Variants in CEP78 observed in about 807,000 individuals in gnomAD.
CEP78 encodes the protein centrosomal protein 78.
In CEP78, 76 loss-of-function variants were observed where a neutral mutation model predicts 81.2. The observed-to-expected ratio is 0.94, with a 90% CI of 0.78 to 1.13. The LOEUF (loss-of-function observed/expected upper bound fraction) is 1.13. CEP78 is among the 50% of genes most tolerant of loss of function. CEP78 has a pLI of 0.00. For synonymous variants in CEP78, 293 were observed against 301.4 expected (o/e 0.97, Z 0.29); for missense variants, 918 against 846.8 (o/e 1.08, Z -1.04).
At chr9:78,264,107 A>G (rs779267941) in intron 12 of CEP78, 43 bp from the exon 13 acceptor site, 2 of 1,325,032 alleles carry the variant, frequency 1.5e-6, no homozygotes, top group South Asian at 3.7e-5. Context: ...TTTGGTGATA[A>G]TGAGAGAAAA....
Position 78,236,317 on chromosome 9 carries a change from C to A in CEP78, c.-34C>A. On this transcript the variant is annotated 5_prime_UTR_variant, in exon 1 of 17. Coordinates refer to ENST00000643273, the MANE Select transcript of CEP78 (RefSeq NM_001330691.3). ...CTTGGGTGGGCGCGGGCGGCGTCTC[C>A]GCGGCGGGCATCCCCCGAGGCCGCC... The A allele has an allele frequency of 6.5e-7, 1 of 1,535,392 alleles. No homozygotes were observed. Among genetic ancestry groups the A allele is most frequent in the Non-Finnish European group, 8.7e-7 (1 of 1,145,484 alleles).
intron 9 of CEP78, 59 bp from the exon 10 acceptor site, chr9:78,253,173 G>GTGTTAATAACTGGTGTTATT: frequency 1.3e-6 from 1 of 762,432 alleles, no homozygotes; most frequent in Non-Finnish European, 2.3e-6. Flanking sequence ...TTATTACCTA[G>GTGTTAATAACTGGTGTTATT]TGTTAACTGG....
Position 78,278,077 on chromosome 9 carries a change from A to G in CEP78, c.*7226A>G, listed in dbSNP as rs1041488118. Reference sequence around the variant, plus strand: ...TGATAACACATATCAAGCTATTGACAGCGGTTTTGTCTGCTGAAGGAGGAA... The same window carrying G: ...TGATAACACATATCAAGCTATTGACGGCGGTTTTGTCTGCTGAAGGAGGAA... On this transcript the variant is annotated 3_prime_UTR_variant, in exon 17 of 17. Coordinates refer to ENST00000643273, the MANE Select transcript of CEP78 (RefSeq NM_001330691.3). 6.6e-6 allele frequency: 1 copy of G among 152,186 alleles called. No individual in the cohort carries two copies. Among genetic ancestry groups the G allele is most frequent in the African/African-American group, 2.4e-5 (1 of 41,448 alleles). 9.4% of individuals were successfully genotyped at this position (152,186 alleles called of 1,614,324 possible).
chr9:78,243,425 C>T (rs1826321635), intron 4 of CEP78, 37 bp from the exon 5 acceptor site: 1 of 1,565,236 alleles, frequency 6.4e-7, no homozygotes, highest in Admixed American at 1.7e-5. Flanking sequence ...ATCTCTTTAT[C>T]CAAGTGTATT....
chr9:78,253,802 C>G (rs908522640), intron 10 of CEP78: 11 of 152,300 alleles, frequency 7.2e-5, no homozygotes, highest in African/African-American at 2.7e-4. Flanking sequence ...TCAGATTTTC[C>G]TTTTCAGTTG....
intron 8 of CEP78, among the ~76,000 whole-genome samples, chr9:78,251,636 CTTATA>C (rs1346617470): frequency 6.6e-6 from 1 of 151,766 alleles, no homozygotes; most frequent in Non-Finnish European, 1.5e-5. Flanking sequence ...ATATATTCAA[CTTATA>C]TTTTAGTTAA....
chr9:78,242,452 C>T (rs892249312), intron 4 of CEP78, among the ~76,000 whole-genome samples: 1 of 152,196 alleles, frequency 6.6e-6, no homozygotes, highest in African/African-American at 2.4e-5. Context: ...CATTTAATAA[C>T]TTGTGACCAT....
Position 78,240,369 on chromosome 9 carries a change from G to A in CEP78, c.499+5G>A, listed in dbSNP as rs1057517693. The A allele has an allele frequency of 6.4e-7, 1 of 1,567,740 alleles. No homozygotes were observed. Among genetic ancestry groups the A allele is most frequent in the Non-Finnish European group, 8.7e-7 (1 of 1,153,092 alleles). On this transcript the variant is annotated splice_donor_5th_base_variant and intron_variant, in intron 3 of 16. Transcript: ENST00000643273. The stretch of plus-strand genomic sequence containing the variant: ...TTGGAGATGGAGGTTTAGAAAGTGA[G>A]TTTAAATCTCATTTAACTCTTGTCC...
chr9:78,274,797 T>G lies in CEP78; in HGVS notation c.*3946T>G, dbSNP rs1311923456. ...AAAATAAATTGCAAATTATTTAGAATTAATAAAAACTTCTCTAAAGCTGAG... is the reference window on the plus strand; with the variant it reads ...AAAATAAATTGCAAATTATTTAGAAGTAATAAAAACTTCTCTAAAGCTGAG... On this transcript the variant is annotated 3_prime_UTR_variant, in exon 17 of 17. Coordinates refer to ENST00000643273, the MANE Select transcript of CEP78 (RefSeq NM_001330691.3). 6.6e-6 allele frequency: 1 copy of G among 150,844 alleles called. No individual in the cohort carries two copies. Among genetic ancestry groups the G allele is most frequent in the Non-Finnish European group, 1.5e-5 (1 of 67,782 alleles). The allele number at this position is 150,844 out of a possible 1,614,324, so 9.3% of individuals were successfully genotyped here. A position where few individuals can be genotyped will look rare whatever the true frequency, so the allele number is the denominator to read the frequency against.
chr9:78,258,588 A>G (rs1827141669), intron 11 of CEP78, among the ~76,000 whole-genome samples: 2 of 152,224 alleles, frequency 1.3e-5, no homozygotes, highest in Admixed American at 1.3e-4. Flanking sequence ...ATAAGTAAGA[A>G]TGAACCAAAC....
intron 11 of CEP78, among the ~76,000 whole-genome samples, chr9:78,256,241 T>C (rs1034484997): frequency 1.3e-5 from 2 of 152,202 alleles, no homozygotes; most frequent in African/African-American, 2.4e-5. Flanking sequence ...TACACAGATA[T>C]GCATATAGGA....
rs150449682 is a variant in CEP78 at position 78,277,957 on chromosome 9, A to T, written c.*7106A>T. ...GACATTGACAGGACGAAGAAGTTGC[A>T]CAGTAACCACGCACTCCTGTTTACA... is the stretch of plus-strand genomic sequence containing the variant. On this transcript the variant is annotated 3_prime_UTR_variant, in exon 17 of 17. Transcript: ENST00000643273. 3 of 152,338 alleles carry T rather than the reference A, an allele frequency of 2.0e-5. No homozygotes were observed. Among genetic ancestry groups the T allele is most frequent in the African/African-American group, 7.2e-5 (3 of 41,586 alleles). The allele number at this position is 152,338 out of a possible 1,614,324, so 9.4% of individuals were successfully genotyped here.
intron 3 of CEP78, among the ~76,000 whole-genome samples, 178 bp downstream of exon 3, chr9:78,240,542 A>G (rs1417518573): frequency 6.6e-6 from 1 of 152,242 alleles, no homozygotes; most frequent in Non-Finnish European, 1.5e-5. Context: ...ATCTGAACTA[A>G]CTTTACTTAA....
intron 5 of CEP78, among the ~76,000 whole-genome samples, chr9:78,245,182 A>G (rs992172092): frequency 1.3e-5 from 2 of 151,568 alleles, no homozygotes; most frequent in Non-Finnish European, 2.9e-5. Flanking sequence ...AGAATATTCT[A>G]TATTATATAT....
intron 12 of CEP78, among the ~76,000 whole-genome samples, 195 bp downstream of exon 12, chr9:78,263,179 A>T (rs985030590): frequency 2.0e-5 from 3 of 152,142 alleles, no homozygotes; most frequent in African/African-American, 4.8e-5. Flanking sequence ...CATGTTTTTT[A>T]AAAATGTAAA....
At chr9:78,251,829 T>TA in intron 8 of CEP78, 79 bp from the exon 9 acceptor site, 2 of 1,298,602 alleles carry the variant, frequency 1.5e-6, no homozygotes, top group Middle Eastern at 3.9e-4. Flanking sequence ...TGTATTCTTT[T>TA]AAGAGTATGC....
At chr9:78,262,474 A>G (rs1034790624) in intron 11 of CEP78, among the ~76,000 whole-genome samples, 12 of 152,062 alleles carry the variant, frequency 7.9e-5, no homozygotes, top group East Asian at 1.9e-4. Context: ...TTGTATTTCA[A>G]TCTTTACCAG....
rs543541035 is a variant in CEP78 at position 78,276,941 on chromosome 9, T to C, written c.*6090T>C. 1.3e-5 allele frequency: 2 copies of C among 152,304 alleles called. No individual in the cohort carries two copies. Among genetic ancestry groups the C allele is most frequent in the South Asian group, 2.1e-4 (1 of 4,826 alleles). The allele number at this position is 152,304 out of a possible 1,614,324, so 9.4% of individuals were successfully genotyped here. ...GAAAGTCATCAGGCATAAAGCAATT[T>C]TGATTACATCTCAAAACAATCCATG... is the stretch of plus-strand genomic sequence containing the variant. On this transcript the variant is annotated 3_prime_UTR_variant, in exon 17 of 17. Transcript: ENST00000643273.
At chr9:78,260,988 G>T (rs1035795869) in intron 11 of CEP78, among the ~76,000 whole-genome samples, 2 of 151,952 alleles carry the variant, frequency 1.3e-5, no homozygotes, top group Non-Finnish European at 2.9e-5. Context: ...GTCTCGCTCT[G>T]TTGCCAGGCT....
Sources: allele counts gnomAD v4.1 joint callset (sites outside exome capture counted in the v4.1 genomes callset), GRCh38; gene constraint gnomAD v4.1.1; transcripts MANE v1.5; gene names NCBI Gene and HGNC (gene_info 2026-07-23, HGNC 2026-07-21).